TAF1B: variants seen among roughly 807,000 people sequenced by gnomAD.
TAF1B encodes TATA-box binding protein associated factor, RNA polymerase I subunit B.
A neutral mutation model predicts 83.9 loss-of-function variants in TAF1B; 61 were observed. The observed-to-expected ratio is 0.73, with a 90% confidence interval of 0.59 to 0.90. The LOEUF is 0.90. Among genes scored for constraint, TAF1B ranks in the 40% least tolerant of loss-of-function variants. The pLI is 0.00. For missense variants in TAF1B, 625 were observed against 677.0 expected, an observed-to-expected ratio of 0.92 and a Z score of 0.85; for synonymous variants, 221 against 224.6, an observed-to-expected ratio of 0.98 and a Z score of 0.14.
At chr2:9,896,642 A>ATT (rs66506343) in intron 8 of TAF1B, among the ~76,000 whole-genome samples, 21 of 130,192 alleles carry the variant, frequency 1.6e-4, no homozygotes, top group Admixed American at 1.5e-3. Flanking sequence ...AAAAAAAAAA[A>ATT]GCTTTAAAAA....
rs138214967 is a variant in TAF1B at position 9,896,799 on chromosome 2, G to C, written c.808-8060G>C. On this transcript the variant is annotated intron_variant, in intron 8 of 14. Transcript: ENST00000263663. ...ATGGAATACAGAGAGTGTTGATGTGGTTTTTCTTTTTCTAAGCAGGCCATG... is the reference window on the plus strand; with the variant it reads ...ATGGAATACAGAGAGTGTTGATGTGCTTTTTCTTTTTCTAAGCAGGCCATG... 5.1e-3 allele frequency among the ~76,000 whole-genome samples: 780 copies of C among 152,128 alleles called. 7 individuals are homozygous for C. The highest frequency in any genetic ancestry group is 0.018 in the African/African-American group (753 of 41,482).
chr2:9,884,630 C>G (rs1558249404), intron 8 of TAF1B, among the ~76,000 whole-genome samples: 1 of 152,180 alleles, frequency 6.6e-6, no homozygotes, highest in Non-Finnish European at 1.5e-5. Flanking sequence ...GCAGGCAGGT[C>G]GTCCTATTGT....
intron 8 of TAF1B, among the ~76,000 whole-genome samples, chr2:9,885,745 C>G (rs959695476): frequency 6.7e-6 from 1 of 149,190 alleles, no homozygotes. Context: ...CTCCCCACGC[C>G]CCCCCCCACT....
In TAF1B at chr2:9,917,926, G is replaced by A. The variant is rs62127464; in HGVS notation, c.1272-1115G>A. 3.2e-3 allele frequency among the ~76,000 whole-genome samples: 489 copies of A among 151,910 alleles called. 3 individuals carry two copies. The highest frequency in any genetic ancestry group is 0.011 in the African/African-American group (470 of 41,444). ...TCTCTACTAAAAATACAAAAAATTA[G>A]CCGGGCGTAGTGGCGGGCGCCTGTA... is the stretch of plus-strand genomic sequence containing the variant. On this transcript the variant is annotated intron_variant, in intron 12 of 14. Transcript: ENST00000263663.
intron 1 of TAF1B, 87 bp downstream of exon 1, chr2:9,843,646 T>A: frequency 7.3e-7 from 1 of 1,362,326 alleles, no homozygotes; most frequent in Non-Finnish European, 9.7e-7. Flanking sequence ...ACGCCGCGGG[T>A]TGGGGCGGCG....
intron 8 of TAF1B, among the ~76,000 whole-genome samples, chr2:9,884,483 G>A (rs765015846): frequency 1.3e-5 from 2 of 152,212 alleles, no homozygotes; most frequent in Non-Finnish European, 2.9e-5. Flanking sequence ...GAGGGTGAGC[G>A]AGATGAAGAG....
chr2:9,896,283 C>T (rs1337974709), intron 8 of TAF1B, among the ~76,000 whole-genome samples: 1 of 152,118 alleles, frequency 6.6e-6, no homozygotes, highest in Admixed American at 6.6e-5. Flanking sequence ...ATTTAATTGA[C>T]AGGCAGCTTT....
intron 8 of TAF1B, among the ~76,000 whole-genome samples, chr2:9,896,642 A>AAAAAAAAAAAAAAAAAAAAAAAAAAAT (rs66506343): frequency 7.7e-6 from 1 of 130,174 alleles, no homozygotes. Flanking sequence ...AAAAAAAAAA[A>AAAAAAAAAAAAAAAAAAAAAAAAAAAT]GCTTTAAAAA....
At chr2:9,889,351 T>A (rs896874133) in intron 8 of TAF1B, among the ~76,000 whole-genome samples, 2 of 152,126 alleles carry the variant, frequency 1.3e-5, no homozygotes, top group African/African-American at 4.8e-5. Flanking sequence ...GATTCAGTGA[T>A]CTTTACTTGA....
intron 5 of TAF1B, among the ~76,000 whole-genome samples, chr2:9,866,642 GT>G (rs1558238848): frequency 6.6e-6 from 1 of 152,020 alleles, no homozygotes; most frequent in Admixed American, 6.6e-5. Context: ...CACACGTATG[GT>G]TATTGCGGCA....
At chr2:9,872,813 C>G (rs919162005) in intron 6 of TAF1B, among the ~76,000 whole-genome samples, 1 of 152,062 alleles carries the variant, frequency 6.6e-6, no homozygotes, top group African/African-American at 2.4e-5. Flanking sequence ...ACCGATGGTC[C>G]TTAAACTTTA....
intron 8 of TAF1B, among the ~76,000 whole-genome samples, chr2:9,886,339 C>T (rs1364814374): frequency 6.6e-6 from 1 of 152,212 alleles, no homozygotes; most frequent in Non-Finnish European, 1.5e-5. Context: ...GCTATACTCG[C>T]TCCTTCATTT....
At chr2:9,893,709 A>G (rs1664937924) in intron 8 of TAF1B, among the ~76,000 whole-genome samples, 1 of 152,166 alleles carries the variant, frequency 6.6e-6, no homozygotes, top group African/African-American at 2.4e-5. Flanking sequence ...CATAACTTTA[A>G]AAAAAAGGCA....
intron 5 of TAF1B, among the ~76,000 whole-genome samples, chr2:9,866,857 G>T (rs1175973968): frequency 1.3e-5 from 2 of 151,764 alleles, no homozygotes; most frequent in African/African-American, 4.8e-5. Flanking sequence ...AACATCGCAT[G>T]TTCTCACTCA....
chr2:9,846,102 C>T (rs1663200025), intron 2 of TAF1B: 1 of 471,036 alleles, frequency 2.1e-6, no homozygotes, highest in South Asian at 1.6e-5. Flanking sequence ...CTCATTTCCT[C>T]CTCATCACTA....
intron 14 of TAF1B, among the ~76,000 whole-genome samples, chr2:9,926,275 A>G (rs937408681): frequency 2.0e-5 from 3 of 152,202 alleles, no homozygotes; most frequent in Non-Finnish European, 2.9e-5. Flanking sequence ...CTATTGTCAT[A>G]AAATTTTTTA....
intron 8 of TAF1B, among the ~76,000 whole-genome samples, chr2:9,896,650 A>G (rs1282876923): frequency 1.4e-5 from 2 of 144,558 alleles, no homozygotes; most frequent in Non-Finnish European, 3.1e-5. Context: ...AAAGCTTTAA[A>G]AACCCTTTTC....
At chr2:9,862,376 G>T (rs777903653) in intron 5 of TAF1B, among the ~76,000 whole-genome samples, 1 of 152,120 alleles carries the variant, frequency 6.6e-6, no homozygotes, top group African/African-American at 2.4e-5. Flanking sequence ...GAAATGAAGC[G>T]AGAAGAGAAG....
chr2:9,897,432 C>T (rs776240578), intron 8 of TAF1B, among the ~76,000 whole-genome samples: 5 of 152,172 alleles, frequency 3.3e-5, no homozygotes, highest in Non-Finnish European at 7.3e-5. Flanking sequence ...CCTCACTAGA[C>T]GCAGCAAGAA....
Sources: allele counts gnomAD v4.1 joint callset (sites outside exome capture counted in the v4.1 genomes callset), GRCh38; gene constraint gnomAD v4.1.1; transcripts MANE v1.5; gene names NCBI Gene and HGNC (gene_info 2026-07-23, HGNC 2026-07-21).